Variants in CBFA2T3 observed in about 807,000 individuals in gnomAD.
CBFA2T3 encodes transcriptional corepressor CBFA2T3.
In CBFA2T3, 31 loss-of-function variants were observed where a neutral mutation model predicts 58.6. The observed-to-expected ratio is 0.53, with a 90% CI of 0.40 to 0.71. CBFA2T3 has a LOEUF of 0.71. CBFA2T3 is among the 30% of genes least tolerant of loss of function. The pLI, the probability that CBFA2T3 is intolerant of heterozygous loss-of-function variation, is 0.00. For synonymous variants in CBFA2T3, 531 were observed against 421.9 expected, an observed-to-expected ratio of 1.26 and a Z score of -3.17; for missense variants, 1,076 against 963.1, an observed-to-expected ratio of 1.12 and a Z score of -1.55.
At chr16:88,913,063 C>G (rs748621197) in intron 1 of CBFA2T3, among the ~76,000 whole-genome samples, 13 of 152,240 alleles carry the variant, frequency 8.5e-5, no homozygotes, top group Non-Finnish European at 1.5e-4. Flanking sequence ...TGCAGCTCTT[C>G]CAGTGCAGAG....
At chr16:88,916,387 TA>T (rs145560068) in intron 1 of CBFA2T3, among the ~76,000 whole-genome samples, 3 of 152,178 alleles carry the variant, frequency 2.0e-5, no homozygotes, top group Non-Finnish European at 4.4e-5. Flanking sequence ...CATGGGGGTG[TA>T]TGTATTCATA....
rs746341792 is a variant in CBFA2T3, at chr16:88,891,967, G to A, written c.626C>T (p.Ser209Leu). The A allele has an allele frequency of 1.2e-6, 2 of 1,612,128 alleles. No individual in the cohort carries two copies. Among genetic ancestry groups the A allele is most frequent in the African/African-American group, 1.3e-5 (1 of 74,884 alleles). ...ATGAAACTCCTCGATCGTCAATGTCGAGTTCTGCAGGGGAGAAAACCCACC... is the reference window on the plus strand; with the variant it reads ...ATGAAACTCCTCGATCGTCAATGTCAAGTTCTGCAGGGGAGAAAACCCACC... ...VRTLVLGLVN[S>L]TLTIEEFHSK... Residue 209 changes from serine (S) to leucine (L), a missense_variant, in exon 5 of 12, where the codon TCG becomes TTG. Physicochemically the swap from Ser to Leu is moderately radical, Grantham distance 145. Coordinates refer to ENST00000268679, the MANE Select transcript of CBFA2T3 (RefSeq NM_005187.6).
rs967130396 is a variant in CBFA2T3 at position 88,922,579 on chromosome 16, T to C, written c.152-20923A>G. Among the ~76,000 whole-genome samples the C allele has an allele frequency of 3.9e-5, 6 of 152,234 alleles. No homozygotes were observed. The East Asian group carries it at 1.2e-3, about 29-fold the overall frequency. ...CATTCTGCAAGCAGTCTGCCTCTCCTATCCCACGCCAGGGCTATGCTTGAG... is the reference window on the plus strand; with the variant it reads ...CATTCTGCAAGCAGTCTGCCTCTCCCATCCCACGCCAGGGCTATGCTTGAG... On this transcript the variant is annotated intron_variant, in intron 1 of 11. Transcript: ENST00000268679.
intron 5 of CBFA2T3, among the ~76,000 whole-genome samples, chr16:88,889,300 G>C (rs1203094605): frequency 2.1e-5 from 3 of 143,266 alleles, no homozygotes; most frequent in African/African-American, 7.8e-5. Context: ...AGGAGGGATG[G>C]AGCGATAGAG....
chr16:88,954,328 AG>A, intron 1 of CBFA2T3, among the ~76,000 whole-genome samples: 1 of 146,368 alleles, frequency 6.8e-6, no homozygotes, highest in African/African-American at 2.8e-5. Context: ...ACCCCACCCA[AG>A]GCTCCTGACC....
intron 1 of CBFA2T3, among the ~76,000 whole-genome samples, chr16:88,935,526 G>T (rs1479367679): frequency 1.3e-5 from 2 of 152,224 alleles, no homozygotes; most frequent in African/African-American, 2.4e-5. Context: ...TCTGCAGGTG[G>T]CGTGGTGCAC....
intron 10 of CBFA2T3, chr16:88,879,887 G>A: frequency 5.7e-6 from 1 of 176,640 alleles, no homozygotes; most frequent in Non-Finnish European, 1.2e-5. Flanking sequence ...CGGGGGAGCT[G>A]CTGCTGACCT....
chr16:88,923,703 T>C (rs548905249), intron 1 of CBFA2T3, among the ~76,000 whole-genome samples: 3 of 152,296 alleles, frequency 2.0e-5, no homozygotes, highest in African/African-American at 7.2e-5. Flanking sequence ...CACATGTCGC[T>C]CCTGCTGTCA....
chr16:88,928,740 C>G (rs1359498198), intron 1 of CBFA2T3, among the ~76,000 whole-genome samples: 1 of 152,236 alleles, frequency 6.6e-6, no homozygotes, highest in East Asian at 1.9e-4. Flanking sequence ...CCCAGGAACA[C>G]TGTGCAAACG....
At chr16:88,959,643 C>G (rs1972312274) in intron 1 of CBFA2T3, among the ~76,000 whole-genome samples, 1 of 152,172 alleles carries the variant, frequency 6.6e-6, no homozygotes, top group Non-Finnish European at 1.5e-5. Context: ...GGAAACCCTC[C>G]TTTTCCTCCT....
At chr16:88,948,436 G>C (rs954700646) in intron 1 of CBFA2T3, among the ~76,000 whole-genome samples, 2 of 152,228 alleles carry the variant, frequency 1.3e-5, no homozygotes, top group Non-Finnish European at 2.9e-5. Flanking sequence ...GCCCAAGCAG[G>C]TTCTGCCTTG....
chr16:88,969,737 C>T (rs964174155), intron 1 of CBFA2T3, among the ~76,000 whole-genome samples: 14 of 152,278 alleles, frequency 9.2e-5, no homozygotes, highest in East Asian at 3.9e-4. Flanking sequence ...TGCCAGGGTG[C>T]GAGTGGCAGG....
intron 9 of CBFA2T3, 182 bp from the exon 10 acceptor site, chr16:88,880,970 G>C: frequency 1.5e-6 from 1 of 675,190 alleles, no homozygotes; most frequent in South Asian, 1.7e-5. Flanking sequence ...GGGCACGGGG[G>C]GCATTGGAGC....
intron 1 of CBFA2T3, among the ~76,000 whole-genome samples, chr16:88,956,167 G>A (rs1344488307): frequency 1.3e-5 from 2 of 152,252 alleles, no homozygotes; most frequent in Admixed American, 6.5e-5. Context: ...AGCCGTGGAG[G>A]GCAGCCGCCT....
intron 1 of CBFA2T3, among the ~76,000 whole-genome samples, chr16:88,928,164 G>C (rs1427576405): frequency 2.6e-5 from 4 of 152,242 alleles, no homozygotes; most frequent in Non-Finnish European, 5.9e-5. Flanking sequence ...GAGGGTCTCT[G>C]AGCACCACCA....
chr16:88,948,112 C>T (rs953657328), intron 1 of CBFA2T3, among the ~76,000 whole-genome samples: 4 of 152,130 alleles, frequency 2.6e-5, no homozygotes, highest in Admixed American at 6.6e-5. Flanking sequence ...ATAAATAACT[C>T]GATCAGAACG....
At chr16:88,920,154 G>T (rs186380379) in intron 1 of CBFA2T3, among the ~76,000 whole-genome samples, 153 of 152,352 alleles carry the variant, frequency 1.0e-3, no homozygotes, top group African/African-American at 3.4e-3. Context: ...TCGCAAGTCA[G>T]CTGACCAGTG....
chr16:88,910,057 GGCTGTCCCCTCTGGCCTCACCA>G (rs1355002994), intron 1 of CBFA2T3, among the ~76,000 whole-genome samples: 11 of 152,338 alleles, frequency 7.2e-5, no homozygotes, highest in South Asian at 2.1e-4. Flanking sequence ...CTTGGTGCCT[GGCTGTCCCCTCTGGCCTCACCA>G]GCTGTCCCCT....
chr16:88,877,679 G>A (rs1968891100), intron 11 of CBFA2T3, among the ~76,000 whole-genome samples: 1 of 151,496 alleles, frequency 6.6e-6, no homozygotes, highest in African/African-American at 2.4e-5. Context: ...CCCCACCTCT[G>A]CCCCACCCCT....
Sources: allele counts gnomAD v4.1 joint callset (sites outside exome capture counted in the v4.1 genomes callset), GRCh38; gene constraint gnomAD v4.1.1; transcripts MANE v1.5; gene names NCBI Gene and HGNC (gene_info 2026-07-23, HGNC 2026-07-21).